Variants in NRG3 observed in about 807,000 individuals in gnomAD.
NRG3 encodes pro-neuregulin-3, membrane-bound isoform.
Under a neutral mutation model 66.9 loss-of-function variants are expected in NRG3, and 31 were observed. The observed-to-expected ratio is 0.46, with a 90% CI of 0.35 to 0.63. The LOEUF is 0.63. Among genes scored for constraint, NRG3 ranks in the 20% least tolerant of loss-of-function variants. The pLI is 0.00. For missense variants in NRG3, 910 were observed against 878.9 expected (o/e 1.04, Z -0.45); for synonymous variants, 393 against 359.4 (o/e 1.09, Z -1.06).
intron 2 of NRG3, among the ~76,000 whole-genome samples, chr10:82,513,741 C>A (rs1469336072): frequency 6.6e-6 from 1 of 152,164 alleles, no homozygotes; most frequent in African/African-American, 2.4e-5. Context: ...AATTGAGCCA[C>A]TGCACTCCAG....
At chr10:82,524,586 T>TATATATAATCACTTTTAGGTTAC (rs1440844186) in intron 2 of NRG3, among the ~76,000 whole-genome samples, 4 of 151,928 alleles carry the variant, frequency 2.6e-5, no homozygotes, top group African/African-American at 9.7e-5. Flanking sequence ...CTCTGTTAGA[T>TATATATAATCACTTTTAGGTTAC]ATATATAATC....
At chr10:81,891,919 C>G (rs1843044686) in intron 1 of NRG3, among the ~76,000 whole-genome samples, 1 of 152,152 alleles carries the variant, frequency 6.6e-6, no homozygotes, top group African/African-American at 2.4e-5. Flanking sequence ...TATGGTTTCT[C>G]TGGCTCGCTC....
chr10:81,944,232 A>G (rs1383524189), intron 1 of NRG3, among the ~76,000 whole-genome samples: 3 of 152,248 alleles, frequency 2.0e-5, no homozygotes, highest in African/African-American at 7.2e-5. Context: ...AAGAGACAAC[A>G]TAGAGCTCAT....
chr10:82,681,911 A>G (rs1275639279), intron 2 of NRG3, among the ~76,000 whole-genome samples: 2 of 152,208 alleles, frequency 1.3e-5, no homozygotes, highest in Admixed American at 6.5e-5. Context: ...TCACAAGAGA[A>G]TGCTGATACC....
At chr10:82,020,036 T>A (rs2061989373) in intron 1 of NRG3, among the ~76,000 whole-genome samples, 1 of 152,160 alleles carries the variant, frequency 6.6e-6, no homozygotes, top group Non-Finnish European at 1.5e-5. Flanking sequence ...TGTTAGGGTG[T>A]CAGTTTTAGA....
intron 2 of NRG3, among the ~76,000 whole-genome samples, chr10:82,600,380 GT>G (rs1269144566): frequency 1.3e-5 from 2 of 152,084 alleles, no homozygotes; most frequent in African/African-American, 2.4e-5. Flanking sequence ...CAGCTGAATT[GT>G]TTTAATATAC....
In NRG3 at chr10:82,814,177, G is replaced by T. The variant is rs562919982; in HGVS notation, c.1028-51234G>T. On this transcript the variant is annotated intron_variant, in intron 3 of 8. Coordinates refer to ENST00000372141, the MANE Select transcript of NRG3 (RefSeq NM_001010848.4). ...AAGCTCTATGACTCATAACCAAGTGGTTTTCAATTATGTCAGCATGTAGCT... is the reference window on the plus strand; with the variant it reads ...AAGCTCTATGACTCATAACCAAGTGTTTTTCAATTATGTCAGCATGTAGCT... Among the ~76,000 whole-genome samples the T allele has an allele frequency of 2.0e-5, 3 of 152,282 alleles. No individual in the cohort carries two copies. The South Asian group carries it at 6.2e-4, about 32-fold the overall frequency.
At chr10:82,599,219 A>G (rs553884529) in intron 2 of NRG3, among the ~76,000 whole-genome samples, 30 of 152,346 alleles carry the variant, frequency 2.0e-4, no homozygotes, top group Non-Finnish European at 3.7e-4. Context: ...TGGGAGGACA[A>G]AAGTGAATAT....
chr10:82,753,351 T>C (rs1316156794), intron 3 of NRG3, among the ~76,000 whole-genome samples: 1 of 151,858 alleles, frequency 6.6e-6, no homozygotes, highest in Admixed American at 6.6e-5. Context: ...ATTGGTGATT[T>C]TCTTATTGAT....
chr10:82,689,062 TC>T (rs2134185814), intron 2 of NRG3, among the ~76,000 whole-genome samples: 2 of 152,312 alleles, frequency 1.3e-5, no homozygotes, highest in South Asian at 4.1e-4. Context: ...GAATCATATC[TC>T]CTTTTATAAA....
chr10:81,893,430 G>A lies in NRG3; in HGVS notation c.823+17267G>A, dbSNP rs147917778. 2.7e-3 allele frequency among the ~76,000 whole-genome samples: 407 copies of A among 150,760 alleles called. 4 individuals carry two copies. The highest frequency in any genetic ancestry group is 9.5e-3 in the African/African-American group (383 of 40,358). ...ATATAAAATTATGCCCTGAACATCC[G>A]CAGTATGGAATGGACTTTTTTTTTG... On this transcript the variant is annotated intron_variant, in intron 1 of 8. Coordinates refer to ENST00000372141, the MANE Select transcript of NRG3 (RefSeq NM_001010848.4).
chr10:82,481,320 A>G (rs951370867), intron 2 of NRG3, among the ~76,000 whole-genome samples: 2 of 152,102 alleles, frequency 1.3e-5, no homozygotes, highest in Non-Finnish European at 2.9e-5. Flanking sequence ...ATTTATTTTG[A>G]TGGTAGTCAT....
chr10:82,738,971 G>T (rs1194138187), intron 3 of NRG3, among the ~76,000 whole-genome samples: 1 of 152,114 alleles, frequency 6.6e-6, no homozygotes, highest in East Asian at 1.9e-4. Context: ...AAAAATAACA[G>T]AGCTTATTAT....
chr10:82,210,586 A>G (rs1295252199), intron 1 of NRG3, among the ~76,000 whole-genome samples: 1 of 152,130 alleles, frequency 6.6e-6, no homozygotes, highest in Non-Finnish European at 1.5e-5. Context: ...ATAATTCATG[A>G]TGCAGTACTA....
chr10:82,457,505 C>T (rs7903778), intron 2 of NRG3, among the ~76,000 whole-genome samples: 64,926 of 151,806 alleles, frequency 0.43, 16,397 homozygotes, highest in African/African-American at 0.7. Context: ...TGGTTCCTAA[C>T]AGGCCATGGA....
At chr10:82,951,426 AC>A (rs780891663) in intron 4 of NRG3, 42 bp from the exon 5 acceptor site, 2 of 1,459,890 alleles carry the variant, frequency 1.4e-6, no homozygotes, top group South Asian at 1.1e-5. Context: ...TTGCTGATGC[AC>A]CCCGCTAGCA....
intron 3 of NRG3, among the ~76,000 whole-genome samples, chr10:82,818,619 G>A (rs1483900711): frequency 1.3e-5 from 2 of 151,926 alleles, no homozygotes; most frequent in African/African-American, 4.8e-5. Context: ...GGAGGGTGGG[G>A]GAGTCTTTCT....
intron 2 of NRG3, among the ~76,000 whole-genome samples, chr10:82,677,934 A>G (rs1431331048): frequency 1.3e-5 from 2 of 152,210 alleles, no homozygotes; most frequent in East Asian, 3.9e-4. Context: ...CCACATGCAC[A>G]GTGGCCTGCC....
At chr10:82,790,772 T>C (rs1159738674) in intron 3 of NRG3, among the ~76,000 whole-genome samples, 1 of 151,962 alleles carries the variant, frequency 6.6e-6, no homozygotes, top group Non-Finnish European at 1.5e-5. Flanking sequence ...ATTTATCTTT[T>C]TTTATTTCTG....
Sources: gnomAD v4.1 joint callset for allele counts (sites outside exome capture counted in the v4.1 genomes callset) on GRCh38, gnomAD v4.1.1 for gene constraint, MANE v1.5 for transcripts, NCBI Gene and HGNC (gene_info 2026-07-23, HGNC 2026-07-21) for gene names.